SLC4A4: variants seen among roughly 807,000 people sequenced by gnomAD.
SLC4A4 encodes electrogenic sodium bicarbonate cotransporter 1.
In SLC4A4, 27 loss-of-function variants were observed where a neutral mutation model predicts 111.5. The observed-to-expected ratio is 0.24, with a 90% confidence interval of 0.18 to 0.33. The LOEUF is 0.33. SLC4A4 is among the 10% of genes least tolerant of loss of function. The probability of loss-of-function intolerance (pLI) is 1.00; values close to 1 mark genes in which losing one functional copy is unlikely to be tolerated. For synonymous variants in SLC4A4, 443 were observed against 463.4 expected, an observed-to-expected ratio of 0.96 and a Z score of 0.57; for missense variants, 909 against 1,315.5, an observed-to-expected ratio of 0.69 and a Z score of 4.78.
intron 2 of SLC4A4, among the ~76,000 whole-genome samples, chr4:71,154,049 G>T (rs1458047255): frequency 6.6e-6 from 1 of 152,188 alleles, no homozygotes; most frequent in Non-Finnish European, 1.5e-5. Context: ...ATTTGGAGTA[G>T]ATTATGATTG....
At chr4:71,282,867 A>G (rs1257437225) in intron 3 of SLC4A4, among the ~76,000 whole-genome samples, 2 of 152,052 alleles carry the variant, frequency 1.3e-5, no homozygotes, top group East Asian at 1.9e-4. Flanking sequence ...ATAAACTCCC[A>G]TGCTTGCTCA....
chr4:71,564,970 G>A (rs915507915), intron 24 of SLC4A4, among the ~76,000 whole-genome samples: 12 of 151,724 alleles, frequency 7.9e-5, no homozygotes, highest in African/African-American at 2.4e-4. Flanking sequence ...TGCCGTCAGA[G>A]CTGTCAAGCT....
intron 3 of SLC4A4, among the ~76,000 whole-genome samples, chr4:71,337,978 C>T (rs1313790715): frequency 4.6e-5 from 7 of 152,062 alleles, no homozygotes; most frequent in Admixed American, 1.3e-4. Flanking sequence ...TACAGGCACA[C>T]GCCACCACGC....
At chr4:71,348,279 T>C (rs1481295343) in intron 4 of SLC4A4, among the ~76,000 whole-genome samples, 2 of 151,180 alleles carry the variant, frequency 1.3e-5, no homozygotes, top group African/African-American at 2.4e-5. Context: ...TTCTGTGGTC[T>C]AACTTGAATC....
chr4:71,110,503 G>A (rs945371837), intron 2 of SLC4A4, among the ~76,000 whole-genome samples: 1 of 152,104 alleles, frequency 6.6e-6, no homozygotes, highest in Non-Finnish European at 1.5e-5. Context: ...ACTGTACCTG[G>A]GCAAATCTCA....
At chr4:71,561,527 G>A (rs904791463) in intron 23 of SLC4A4, among the ~76,000 whole-genome samples, 6 of 151,760 alleles carry the variant, frequency 4.0e-5, no homozygotes, top group African/African-American at 1.4e-4. Flanking sequence ...GAAGGCAAGA[G>A]ACAGAATTGG....
chr4:71,347,191 G>A (rs144618624), intron 4 of SLC4A4, among the ~76,000 whole-genome samples: 1 of 151,838 alleles, frequency 6.6e-6, no homozygotes, highest in Non-Finnish European at 1.5e-5. Flanking sequence ...TAACCAGGTT[G>A]CCTACAATAT....
chr4:71,334,522 C>T (rs1002625414), intron 3 of SLC4A4, among the ~76,000 whole-genome samples: 3 of 152,090 alleles, frequency 2.0e-5, no homozygotes, highest in East Asian at 3.9e-4. Context: ...GCTGGTGTCT[C>T]GCTAAGTCAT....
intron 2 of SLC4A4, among the ~76,000 whole-genome samples, chr4:71,143,914 G>A (rs1202547118): frequency 6.6e-6 from 1 of 152,158 alleles, no homozygotes; most frequent in East Asian, 1.9e-4. Context: ...CACTCTGATG[G>A]TAGTTTCTTT....
At chr4:71,280,840 G>A (rs1723456805) in intron 3 of SLC4A4, among the ~76,000 whole-genome samples, 1 of 151,922 alleles carries the variant, frequency 6.6e-6, no homozygotes, top group Non-Finnish European at 1.5e-5. Flanking sequence ...TTTGTATTAG[G>A]TGTGAGGTTT....
At chr4:71,473,853 G>A (rs1006436330) in intron 14 of SLC4A4, among the ~76,000 whole-genome samples, 3 of 151,800 alleles carry the variant, frequency 2.0e-5, no homozygotes, top group Non-Finnish European at 4.4e-5. Flanking sequence ...CATAGAAAAA[G>A]GAATAGGGAC....
chr4:71,421,161 A>G (rs1722439714), intron 7 of SLC4A4, among the ~76,000 whole-genome samples: 1 of 151,860 alleles, frequency 6.6e-6, no homozygotes, highest in East Asian at 1.9e-4. Context: ...CAAATGGAAA[A>G]CAAAAAAAGG....
At chr4:71,244,773 C>CTTTTT (rs11440449) in intron 2 of SLC4A4, among the ~76,000 whole-genome samples, 5 of 146,014 alleles carry the variant, frequency 3.4e-5, no homozygotes, top group Non-Finnish European at 4.5e-5. Flanking sequence ...ATGGACCATG[C>CTTTTT]TTTTTTTTTT....
At chr4:71,496,314 G>A (rs1196724300) in intron 15 of SLC4A4, among the ~76,000 whole-genome samples, 3 of 152,144 alleles carry the variant, frequency 2.0e-5, no homozygotes, top group East Asian at 3.9e-4. Context: ...GGGATTTGGG[G>A]TGCGTGTGAC....
chr4:71,145,319 C>G (rs1215663947), intron 2 of SLC4A4, among the ~76,000 whole-genome samples: 1 of 152,094 alleles, frequency 6.6e-6, no homozygotes, highest in Non-Finnish European at 1.5e-5. Flanking sequence ...GGTGGATAAG[C>G]TTTTTGATGT....
intron 6 of SLC4A4, among the ~76,000 whole-genome samples, chr4:71,381,675 C>A (rs1176110208): frequency 6.6e-6 from 1 of 152,116 alleles, no homozygotes; most frequent in Non-Finnish European, 1.5e-5. Flanking sequence ...TGGGAATTTA[C>A]AATGATTAAG....
intron 2 of SLC4A4, among the ~76,000 whole-genome samples, chr4:71,125,550 A>G (rs2148958909): frequency 6.6e-6 from 1 of 152,306 alleles, no homozygotes; most frequent in South Asian, 2.1e-4. Flanking sequence ...ACAGAGCCAG[A>G]CTCTCTCTAA....
At chr4:71,187,200 C>T (rs757920178), upstream of SLC4A4, 2 of 151,894 alleles carry the variant, frequency 1.3e-5, no homozygotes, top group African/African-American at 4.8e-5. Context: ...GCGGCTCGGC[C>T]CCGCCGCGTC....
intron 1 of SLC4A4, among the ~76,000 whole-genome samples, chr4:71,205,412 C>T (rs1436769531): frequency 2.0e-5 from 3 of 151,948 alleles, no homozygotes; most frequent in Non-Finnish European, 4.4e-5. Context: ...GGAGGTAAGG[C>T]CCCCCCATCC....
Sources: allele counts gnomAD v4.1 joint callset (sites outside exome capture counted in the v4.1 genomes callset), GRCh38; gene constraint gnomAD v4.1.1; transcripts MANE v1.5; gene names NCBI Gene and HGNC (gene_info 2026-07-23, HGNC 2026-07-21).